ATP13A1: variants seen among roughly 807,000 people sequenced by gnomAD.
The protein encoded by ATP13A1 is ATPase 13A1, also known as endoplasmic reticulum transmembrane helix translocase.
Under a neutral mutation model 134.8 loss-of-function variants are expected in ATP13A1, and 55 were observed. The observed-to-expected ratio is 0.41, with a 90% CI of 0.33 to 0.51. ATP13A1 has a LOEUF of 0.51. ATP13A1 is among the 20% of genes least tolerant of loss of function. ATP13A1 has a pLI of 0.29. For missense variants in ATP13A1, 1,389 were observed against 1,652.8 expected (o/e 0.84, Z 2.77); for synonymous variants, 775 against 725.1 (o/e 1.07, Z -1.10).
At chr19:19,657,906 T>G (rs1211309152) in intron 3 of ATP13A1, among the ~76,000 whole-genome samples, 2 of 152,018 alleles carry the variant, frequency 1.3e-5, no homozygotes, top group Admixed American at 6.5e-5. Flanking sequence ...CCAAGCACTT[T>G]GGGAGGCCGA....
intron 17 of ATP13A1, chr19:19,650,481 C>G (rs2062017479): frequency 1.2e-5 from 2 of 161,710 alleles, no homozygotes; most frequent in South Asian, 1.6e-4. Flanking sequence ...GGGCGGCCCG[C>G]CAGCCCTCCT....
intron 16 of ATP13A1, among the ~76,000 whole-genome samples, 192 bp downstream of exon 16, chr19:19,652,403 A>C (rs1416123269): frequency 2.0e-5 from 3 of 152,052 alleles, no homozygotes; most frequent in Admixed American, 2.0e-4. Flanking sequence ...TGTGGAGGAG[A>C]GAGGAGCCAG....
chr19:19,650,015 C>T, intron 17 of ATP13A1, 75 bp from the exon 18 acceptor site: 1 of 1,355,294 alleles, frequency 7.4e-7, no homozygotes, highest in Non-Finnish European at 1.0e-6. Flanking sequence ...CCACTCGGAC[C>T]CCAGCACCAG....
Position 19,663,413 on chromosome 19 carries a change from C to T in ATP13A1, c.254G>A (p.Gly85Asp). The change falls in exon 1 of 26, where the codon GGC (glycine) becomes GAC (aspartate). Residue 85 changes from glycine to aspartate, a missense_variant. Gly to Asp is a moderately conservative substitution (Grantham distance 94). Coordinates refer to ENST00000357324, the MANE Select transcript of ATP13A1 (RefSeq NM_020410.3). ...YPAWLGAAAA[G>D]CWGWGSSWVQ... ...CCAACTGCTGCCCCAGCCCCAGCAG[C>T]CAGCGGCTGCGGCACCCAACCAGGC... 6.3e-7 allele frequency: 1 copy of T among 1,578,606 alleles called. No homozygotes were observed.
At chr19:19,646,015 C>T (rs1398101102) in intron 23 of ATP13A1, 30 bp from the exon 24 acceptor site, 2 of 1,607,722 alleles carry the variant, frequency 1.2e-6, no homozygotes, top group South Asian at 1.1e-5. Context: ...TCAGGGCCCC[C>T]TCTCCTGCTC....
intron 19 of ATP13A1, 76 bp downstream of exon 19, chr19:19,649,491 G>T: frequency 6.8e-7 from 1 of 1,478,206 alleles, no homozygotes; most frequent in Non-Finnish European, 9.3e-7. Flanking sequence ...CCAAGGGCCA[G>T]GTCTGTCTTT....
Position 19,653,534 on chromosome 19 carries a change from A to T in ATP13A1, c.2100+250T>A. ...GCCCAAGACCAGGGCAAAAGAGTAG[A>T]GCTAGGGACACACCAGGACTGGGGC... On this transcript the variant is annotated intron_variant, in intron 15 of 25. Transcript: ENST00000357324. This position sits in a 1 kb window ranked among gnomAD's most constrained non-coding sequence, Gnocchi z 4.2. The T allele has an allele frequency of 1.8e-6, 1 of 551,846 alleles. No individual in the cohort carries two copies. Among genetic ancestry groups the T allele is most frequent in the East Asian group, 3.1e-5 (1 of 32,058 alleles). The allele number at this position is 551,846 out of a possible 1,614,324, so 34.2% of individuals were successfully genotyped here. A position where few individuals can be genotyped will look rare whatever the true frequency, so the allele number is the denominator to read the frequency against.
In ATP13A1 at chr19:19,659,796, G is replaced by A. The variant is rs375056206; in HGVS notation, c.487-5C>T. ...CACCTCAAGCCCGTCTTCGCCCTGCGGTAGAAGGTGTGTTTGCCACAGAGG... is the reference window on the plus strand; with the variant it reads ...CACCTCAAGCCCGTCTTCGCCCTGCAGTAGAAGGTGTGTTTGCCACAGAGG... On this transcript the variant is annotated splice_region_variant and splice_polypyrimidine_tract_variant and intron_variant, in intron 2 of 25. Transcript: ENST00000357324. 269 of 1,612,370 alleles carry A rather than the reference G, an allele frequency of 1.7e-4. No homozygotes were observed. The African/African-American group carries it at 2.3e-3, about 14-fold the overall frequency.
chr19:19,655,765 G>C lies in ATP13A1; in HGVS notation c.1270-111C>G. On this transcript the variant is annotated intron_variant, in intron 9 of 25. Transcript: ENST00000357324. The surrounding 1 kb of genome is among the most constrained non-coding windows in gnomAD (Gnocchi z 5.7). The stretch of plus-strand genomic sequence containing the variant: ...GCCTCTGCACCCTGGCCCAGGTCCA[G>C]GGCCGTGCTGCCAGAGTCAGCCCGT... The C allele has an allele frequency of 6.5e-7, 1 of 1,535,972 alleles. No homozygotes were observed. Among genetic ancestry groups the C allele is most frequent in the Non-Finnish European group, 8.8e-7 (1 of 1,140,352 alleles).
intron 22 of ATP13A1, 47 bp from the exon 23 acceptor site, chr19:19,646,394 G>A: frequency 2.5e-6 from 4 of 1,609,910 alleles, no homozygotes; most frequent in Non-Finnish European, 3.4e-6. Context: ...GCTCACTTGG[G>A]GCCACCCTGC....
chr19:19,647,000 A>C (rs1214220302), intron 22 of ATP13A1, 129 bp downstream of exon 22: 8 of 1,054,306 alleles, frequency 7.6e-6, no homozygotes, highest in Non-Finnish European at 1.1e-5. Flanking sequence ...TTCCTGAGCC[A>C]TCCCAGCTAC....
At chr19:19,652,446 T>C in intron 16 of ATP13A1, 149 bp downstream of exon 16, 2 of 1,214,276 alleles carry the variant, frequency 1.6e-6, no homozygotes, top group South Asian at 1.5e-5. Context: ...CTTGGGCCAG[T>C]GGCAATGTTA....
Position 19,645,409 on chromosome 19 carries a change from C to T in ATP13A1, c.*13G>A. ...GGCAGCCAGGGTGGGCAGTGGGTAC[C>T]AGCACTGCCATCTCAGGAAGGCACT... On this transcript the variant is annotated 3_prime_UTR_variant, in exon 26 of 26. Transcript: ENST00000357324. This position sits in a 1 kb window ranked among gnomAD's most constrained non-coding sequence, Gnocchi z 4.1. 6.3e-7 allele frequency: 1 copy of T among 1,584,708 alleles called. No individual in the cohort carries two copies. The highest frequency in any genetic ancestry group is 8.6e-7 in the Non-Finnish European group (1 of 1,167,142).
Position 19,645,357 on chromosome 19 carries a change from G to C in ATP13A1, c.*65C>G, listed in dbSNP as rs112268372. The C allele has an allele frequency of 2.5e-4, 373 of 1,513,990 alleles. No individual in the cohort carries two copies. The African/African-American group carries it at 4.6e-3, about 19-fold the overall frequency. 93.8% of individuals were successfully genotyped at this position (1,513,990 alleles called of 1,614,324 possible). On this transcript the variant is annotated 3_prime_UTR_variant, in exon 26 of 26. Transcript: ENST00000357324. This position sits in a 1 kb window ranked among gnomAD's most constrained non-coding sequence, Gnocchi z 4.1. ...GGGGTTGGGGGCAGGGTTCCCTCCC[G>C]GGGCCCTGTTGGGGTTCCCGCCCAG...
At position 19,645,439 on chromosome 19, in the gene ATP13A1, G is replaced by C; in HGVS notation, c.3598C>G (p.Leu1200Val). Reference sequence around the variant, plus strand: ...CTGCCATCTCAGGAAGGCACTTTCAGCTTCGGGGTCCCCAGGAAGAACTGC... The same window carrying C: ...CTGCCATCTCAGGAAGGCACTTTCACCTTCGGGGTCCCCAGGAAGAACTGC... ...VLQFFLGTPK[L>V]KVPS Residue 1200 changes from leucine (L) to valine (V), a missense_variant, in exon 26 of 26, where the codon CTG becomes GTG. Transcript: ENST00000357324. This position sits in a 1 kb window ranked among gnomAD's most constrained non-coding sequence, Gnocchi z 4.1. 2.5e-6 allele frequency: 4 copies of C among 1,603,046 alleles called. No homozygotes were observed. The highest frequency in any genetic ancestry group is 3.4e-6 in the Non-Finnish European group (4 of 1,175,550).
intron 13 of ATP13A1, 61 bp from the exon 14 acceptor site, chr19:19,654,205 A>T: frequency 6.7e-7 from 1 of 1,483,068 alleles, no homozygotes; most frequent in Non-Finnish European, 9.1e-7. Flanking sequence ...CCAAGCCCCT[A>T]CCTCTCACCC....
In ATP13A1 at chr19:19,647,380, A is replaced by C. The variant is rs2061992765; in HGVS notation, c.2908+34T>G. 1.5e-5 allele frequency: 23 copies of C among 1,540,332 alleles called. No individual in the cohort carries two copies. Among genetic ancestry groups the C allele is most frequent in the Non-Finnish European group, 1.7e-5 (19 of 1,126,326 alleles). On this transcript the variant is annotated intron_variant, in intron 21 of 25. Coordinates refer to ENST00000357324, the MANE Select transcript of ATP13A1 (RefSeq NM_020410.3). The surrounding 1 kb of genome is among the most constrained non-coding windows in gnomAD (Gnocchi z 4.8). The stretch of plus-strand genomic sequence containing the variant: ...TGTGGGTAGGGGTGCCAAGGGGGGA[A>C]TGAAGGGAGGGGGAGCGGGGGCAGG...
Position 19,649,958 on chromosome 19 carries a change from G to T in ATP13A1, c.2336-18C>A. On this transcript the variant is annotated intron_variant, in intron 17 of 25. Transcript: ENST00000357324. ...CTGCCGGCCTGCGGGCAGCACCTAG[G>T]GTTAGGGCTGGGGGCTTGGCTGACC... is the stretch of plus-strand genomic sequence containing the variant. 6.4e-7 allele frequency: 1 copy of T among 1,568,010 alleles called. No individual in the cohort carries two copies.
Position 19,663,428 on chromosome 19 carries a change from C to A in ATP13A1, c.239G>T (p.Gly80Val). Reference protein sequence around the residue: ...FAGLLYPAWLGAAAAGCWGWG... With the variant: ...FAGLLYPAWLVAAAAGCWGWG... ...GCCCCAGCAGCCAGCGGCTGCGGCA[C>A]CCAACCAGGCCGGGTAAAGCAGCCC... Residue 80 changes from glycine to valine, a missense_variant, in exon 1 of 26, where the codon GGT (glycine) becomes GTT (valine). By Grantham distance (109) the Gly-to-Val change is moderately radical (BLOSUM62 -3). This residue lies in a region of ATP13A1 where 293 missense variants were observed against 270.8 expected (regional missense o/e 1.08). Coordinates refer to ENST00000357324, the MANE Select transcript of ATP13A1 (RefSeq NM_020410.3). The A allele has an allele frequency of 6.4e-7, 1 of 1,570,186 alleles. No homozygotes were observed. The highest frequency in any genetic ancestry group is 8.6e-7 in the Non-Finnish European group (1 of 1,160,800).
Sources: gnomAD v4.1 joint callset for allele counts (sites outside exome capture counted in the v4.1 genomes callset) on GRCh38, gnomAD v4.1.1 for gene constraint, gnomAD v4.1.1 regional missense constraint, Gnocchi (gnomAD v3.1) non-coding constraint, MANE v1.5 for transcripts, NCBI Gene and HGNC (gene_info 2026-07-23, HGNC 2026-07-21) for gene names.